Variants in ABHD2 observed in about 807,000 individuals in gnomAD.
The protein encoded by ABHD2 is monoacylglycerol lipase ABHD2.
A neutral mutation model predicts 48.1 loss-of-function variants in ABHD2; 20 were observed. The observed-to-expected ratio is 0.42, with a 90% confidence interval of 0.29 to 0.60. ABHD2 has a LOEUF of 0.60. Among genes scored for constraint, ABHD2 ranks in the 20% least tolerant of loss-of-function variants. The pLI, the probability that ABHD2 is intolerant of heterozygous loss-of-function variation, is 0.24. For synonymous variants in ABHD2, 209 were observed against 214.2 expected (o/e 0.98, Z 0.21); for missense variants, 405 against 550.9 (o/e 0.74, Z 2.65).
rs565965282 is a variant in ABHD2 at position 89,160,714 on chromosome 15, C to G, written c.538+5180C>G. The stretch of plus-strand genomic sequence containing the variant: ...ATGGTCCTCACTCAAGGAACCAGGC[C>G]CATGGAGCAGCTACCTGCTGGAACA... On this transcript the variant is annotated intron_variant, in intron 5 of 10. Transcript: ENST00000352732. Among the ~76,000 whole-genome samples the G allele has an allele frequency of 2.3e-3, 345 of 152,230 alleles. 3 individuals carry two copies. Among genetic ancestry groups the G allele is most frequent in the African/African-American group, 7.9e-3 (328 of 41,532 alleles).
chr15:89,071,696 T>G, the ABHD2 span, among the ~76,000 whole-genome samples: 1 of 152,116 alleles, frequency 6.6e-6, no homozygotes, highest in East Asian at 1.9e-4. Flanking sequence ...GGAAGGAATC[T>G]CTGGGTTGGC....
At chr15:89,187,882 G>C (rs1018597793) in intron 7 of ABHD2, among the ~76,000 whole-genome samples, 5 of 152,140 alleles carry the variant, frequency 3.3e-5, no homozygotes, top group African/African-American at 1.2e-4. Context: ...ACGCCCCTAC[G>C]GCTTGGCCCA....
rs1345609818 is a variant in ABHD2 at position 89,146,291 on chromosome 15, T to A, written c.195-5386T>A. Among the ~76,000 whole-genome samples, 1 of 152,006 alleles carries A rather than the reference T, an allele frequency of 6.6e-6. No homozygotes were observed. The highest frequency in any genetic ancestry group is 1.5e-5 in the Non-Finnish European group (1 of 68,024). On this transcript the variant is annotated intron_variant, in intron 3 of 10. Transcript: ENST00000352732. This position sits in a 1 kb window ranked among gnomAD's most constrained non-coding sequence, Gnocchi z 4.2. Reference sequence around the variant, plus strand: ...ATGAGCATCAGTCAACTTTATTTTTTCAACTCTCTTTTTAAAACACCAGCT... The same window carrying A: ...ATGAGCATCAGTCAACTTTATTTTTACAACTCTCTTTTTAAAACACCAGCT...
the ABHD2 span, among the ~76,000 whole-genome samples, chr15:89,045,648 T>C: frequency 3.3e-5 from 5 of 152,244 alleles, no homozygotes; most frequent in Admixed American, 2.0e-4. Context: ...AGGTATTTTA[T>C]TCTCTTTGAA....
At chr15:89,119,510 A>G (rs186975232) in intron 3 of ABHD2, among the ~76,000 whole-genome samples, 38 of 152,290 alleles carry the variant, frequency 2.5e-4, no homozygotes, top group African/African-American at 8.4e-4. Flanking sequence ...CATAGACGTT[A>G]TGCCATTCAG....
At chr15:89,163,582 C>G (rs552097573) in intron 5 of ABHD2, among the ~76,000 whole-genome samples, 1 of 152,364 alleles carries the variant, frequency 6.6e-6, no homozygotes, top group East Asian at 1.9e-4. Context: ...AGCCTTCAAT[C>G]AATGTGATTC....
intron 5 of ABHD2, among the ~76,000 whole-genome samples, chr15:89,158,045 G>T (rs2050702608): frequency 6.6e-6 from 1 of 151,990 alleles, no homozygotes; most frequent in Non-Finnish European, 1.5e-5. Context: ...AGAAGATGGG[G>T]AGGCATGGCT....
At chr15:89,192,040 C>T (rs1320726128) in intron 9 of ABHD2, among the ~76,000 whole-genome samples, 1 of 152,208 alleles carries the variant, frequency 6.6e-6, no homozygotes, top group Non-Finnish European at 1.5e-5. Context: ...GTTTGTTTTA[C>T]CTGAATGACC....
Position 89,201,368 on chromosome 15 carries a change from T to A in ABHD2, c.*5945T>A. On this transcript the variant is annotated 3_prime_UTR_variant, in exon 11 of 11. Coordinates refer to ENST00000352732, the MANE Select transcript of ABHD2 (RefSeq NM_152924.5). ...CGTGGGCCCGTCTTGCTTAGATGCA[T>A]TCAGTGGGACAGCTTTGCTGGGTTC... is the stretch of plus-strand genomic sequence containing the variant. 9.4e-7 allele frequency: 1 copy of A among 1,068,116 alleles called. No individual in the cohort carries two copies. Among genetic ancestry groups the A allele is most frequent in the South Asian group, 1.3e-5 (1 of 76,394 alleles). The allele number at this position is 1,068,116 out of a possible 1,614,324, so 66.2% of individuals were successfully genotyped here. A position where few individuals can be genotyped will look rare whatever the true frequency, so the allele number is the denominator to read the frequency against.
At chr15:89,170,080 C>CTTTTTTTTTTTTTTTTT (rs748983183) in intron 5 of ABHD2, among the ~76,000 whole-genome samples, 2 of 37,502 alleles carry the variant, frequency 5.3e-5, no homozygotes, top group African/African-American at 7.6e-5. Flanking sequence ...AGATCAGATT[C>CTTTTTTTTTTTTTTTTT]TTTTTTTTTT....
chr15:89,093,899 C>A (rs555133657), intron 1 of ABHD2: 2 of 152,360 alleles, frequency 1.3e-5, no homozygotes, highest in South Asian at 4.1e-4. Flanking sequence ...TTATAGTCTT[C>A]AGTGGCTCCC....
chr15:89,069,970 A>C, the ABHD2 span: 1 of 152,100 alleles, frequency 6.6e-6, no homozygotes, highest in Non-Finnish European at 1.5e-5. Flanking sequence ...ATGAGCCACC[A>C]TGCCCTGCTA....
chr15:89,109,850 G>A (rs577005420), intron 1 of ABHD2, among the ~76,000 whole-genome samples: 1 of 152,182 alleles, frequency 6.6e-6, no homozygotes, highest in South Asian at 2.1e-4. Context: ...AGTCGTTCCT[G>A]TATATCCTTG....
In ABHD2 at chr15:89,177,732, C is replaced by T. The variant is rs1160865803; in HGVS notation, c.722+1737C>T. Among the ~76,000 whole-genome samples the T allele has an allele frequency of 6.6e-6, 1 of 152,142 alleles. No individual in the cohort carries two copies. The highest frequency in any genetic ancestry group is 1.5e-5 in the Non-Finnish European group (1 of 68,036). The stretch of plus-strand genomic sequence containing the variant: ...GGGACTAGTAATATCCAACTCCCAG[C>T]TCATAGCCACGTGTAACCAGAATTA... On this transcript the variant is annotated intron_variant, in intron 6 of 10. Transcript: ENST00000352732. The surrounding 1 kb of genome is among the most constrained non-coding windows in gnomAD (Gnocchi z 5.6).
chr15:89,124,633 T>G (rs2150831329), intron 3 of ABHD2, among the ~76,000 whole-genome samples: 1 of 152,306 alleles, frequency 6.6e-6, no homozygotes, highest in African/African-American at 2.4e-5. Flanking sequence ...AGAGCCTTAA[T>G]TCCATCGACC....
At chr15:89,064,739 G>GT in the ABHD2 span, among the ~76,000 whole-genome samples, 2 of 152,010 alleles carry the variant, frequency 1.3e-5, no homozygotes, top group Admixed American at 6.6e-5. Flanking sequence ...ATTATTTACA[G>GT]TTTTTTTGCT....
chr15:89,093,173 C>CTTT (rs71149272), intron 1 of ABHD2, among the ~76,000 whole-genome samples: 333 of 71,016 alleles, frequency 4.7e-3, no homozygotes, highest in Non-Finnish European at 5.9e-3. Context: ...TTTTTTCATT[C>CTTT]TTTTTTTTTT....
chr15:89,045,336 T>C, the ABHD2 span, among the ~76,000 whole-genome samples: 3 of 152,074 alleles, frequency 2.0e-5, no homozygotes, highest in Admixed American at 6.6e-5. Context: ...AGTCAGGTAG[T>C]GTGACGCCTC....
chr15:89,052,317 C>G, the ABHD2 span, among the ~76,000 whole-genome samples: 1 of 152,088 alleles, frequency 6.6e-6, no homozygotes, highest in African/African-American at 2.4e-5. Context: ...AATGGCAAAA[C>G]TATCAGCTGA....
Sources: allele counts gnomAD v4.1 joint callset (sites outside exome capture counted in the v4.1 genomes callset), GRCh38; gene constraint gnomAD v4.1.1; non-coding constraint Gnocchi (gnomAD v3.1); transcripts MANE v1.5; gene names NCBI Gene and HGNC (gene_info 2026-07-23, HGNC 2026-07-21).